BRI3BP: variants seen among roughly 807,000 people sequenced by gnomAD.
BRI3BP encodes BRI3 binding protein.
A neutral mutation model predicts 15.8 loss-of-function variants in BRI3BP; 7 were observed. The ratio of observed to expected loss-of-function variants is 0.44; its 90% CI spans 0.25 to 0.83. The LOEUF is 0.83. Ranked by LOEUF, BRI3BP falls within the 40% of genes least tolerant of loss-of-function variation. The probability of loss-of-function intolerance (pLI) is 0.20; values close to 1 mark genes in which losing one functional copy is unlikely to be tolerated. For synonymous variants in BRI3BP, 192 were observed against 163.5 expected (o/e 1.17, Z -1.33); for missense variants, 320 against 339.3 (o/e 0.94, Z 0.45).
chr12:125,005,201 A>G (rs1005279599), intron 1 of BRI3BP, among the ~76,000 whole-genome samples: 3 of 152,124 alleles, frequency 2.0e-5, no homozygotes, highest in Non-Finnish European at 4.4e-5. Context: ...TGTTTTTCTC[A>G]TAATGAGACT....
At chr12:125,036,130 T>C (rs1955438706), downstream of BRI3BP, among the ~76,000 whole-genome samples, 1 of 152,186 alleles carries the variant, frequency 6.6e-6, no homozygotes, top group Admixed American at 6.5e-5. Flanking sequence ...AATGGCGCGA[T>C]CTCTGCTCAC....
chr12:125,002,057 G>A (rs1955096317), intron 1 of BRI3BP, among the ~76,000 whole-genome samples: 1 of 152,126 alleles, frequency 6.6e-6, no homozygotes, highest in Admixed American at 6.5e-5. Context: ...CATCCATACT[G>A]CAGGATCAAT....
chr12:124,993,809 G>T lies in BRI3BP; in HGVS notation c.19G>T (p.Gly7Cys). Residue 7 changes from glycine to cysteine, a missense_variant, in exon 1 of 3, where the codon GGC (glycine) becomes TGC (cysteine). Gly to Cys is a radical substitution (Grantham distance 159). Transcript: ENST00000341446. ...GCCGAGCATGGGCGCGCGCGCCTCA[G>T]GCGGGCCCCTGGCCCGGGCCGGGCT... MGARASGGPLARAGLLL... is the reference protein window; with the variant it reads MGARASCGPLARAGLLL... 9.2e-7 allele frequency: 1 copy of T among 1,089,372 alleles called. No individual in the cohort carries two copies. The highest frequency in any genetic ancestry group is 1.1e-6 in the Non-Finnish European group (1 of 901,528). 67.5% of individuals were successfully genotyped at this position (1,089,372 alleles called of 1,614,324 possible). A position where few individuals can be genotyped will look rare whatever the true frequency, so the allele number is the denominator to read the frequency against.
At chr12:124,997,233 T>TTTTTTTTTTTTTTTTTTTTTTTA (rs1594525085) in intron 1 of BRI3BP, among the ~76,000 whole-genome samples, 1 of 137,492 alleles carries the variant, frequency 7.3e-6, no homozygotes, top group African/African-American at 2.8e-5. Flanking sequence ...TTTTTTTTTT[T>TTTTTTTTTTTTTTTTTTTTTTTA]GAGATGCAGT....
In BRI3BP at chr12:125,029,542, AAAAGTGTGTGTGTGTGTATATAT is replaced by A. The variant is rs1196095299; in HGVS notation, c.*4114_*4136del. ...GTGAGACCCAGTCTCAAAAAAAAAAAAAAGTGTGTGTGTGTGTATATATATGTATATATATATACACACACACA... is the reference window on the plus strand; with the variant it reads ...GTGAGACCCAGTCTCAAAAAAAAAAAATGTATATATATATACACACACACA... On this transcript the variant is annotated 3_prime_UTR_variant, in exon 3 of 3. Transcript: ENST00000341446. 2 of 148,074 alleles carry A rather than the reference AAAAGTGTGTGTGTGTGTATATAT, an allele frequency of 1.4e-5. No individual in the cohort carries two copies. The highest frequency in any genetic ancestry group is 5.1e-5 in the African/African-American group (2 of 38,860). 9.2% of individuals were successfully genotyped at this position (148,074 alleles called of 1,614,324 possible).
At chr12:125,036,075 T>G (rs376080685), downstream of BRI3BP, among the ~76,000 whole-genome samples, 3 of 154 alleles carry the variant, frequency 0.019, no homozygotes, top group Admixed American at 0.5. Flanking sequence ...TTGTTTTTTG[T>G]TTTTTTTTGA....
chr12:125,049,247 C>T, the BRI3BP span, among the ~76,000 whole-genome samples: 1 of 152,162 alleles, frequency 6.6e-6, no homozygotes, highest in Non-Finnish European at 1.5e-5. Context: ...CTCAGACCAT[C>T]CTATCTATCA....
At chr12:125,017,022 A>ATTT (rs1175112507) in intron 2 of BRI3BP, among the ~76,000 whole-genome samples, 2 of 146,124 alleles carry the variant, frequency 1.4e-5, no homozygotes, top group East Asian at 4.0e-4. Context: ...TATTATTATT[A>ATTT]TTTTTTTTTT....
the BRI3BP span, among the ~76,000 whole-genome samples, chr12:125,047,256 C>T: frequency 3.3e-5 from 5 of 151,694 alleles, no homozygotes; most frequent in Non-Finnish European, 7.4e-5. Flanking sequence ...TCACGCCATT[C>T]TCCTGCCTCA....
the BRI3BP span, among the ~76,000 whole-genome samples, chr12:125,037,912 T>C: frequency 2.2e-4 from 33 of 152,242 alleles, 2 homozygotes; most frequent in Admixed American, 1.6e-3. Flanking sequence ...CACGTGTGTA[T>C]GTGCATTTGG....
chr12:125,019,038 A>G (rs1294084421), intron 2 of BRI3BP, among the ~76,000 whole-genome samples: 1 of 151,996 alleles, frequency 6.6e-6, no homozygotes, highest in Non-Finnish European at 1.5e-5. Flanking sequence ...TTTATATTTC[A>G]GTAGAGACGG....
chr12:125,038,548 C>A, the BRI3BP span, among the ~76,000 whole-genome samples: 1 of 151,486 alleles, frequency 6.6e-6, no homozygotes, highest in African/African-American at 2.4e-5. Flanking sequence ...GGTGGATCAC[C>A]TGAGGTCAGG....
chr12:125,015,591 A>T (rs1387588786), intron 2 of BRI3BP, among the ~76,000 whole-genome samples: 4 of 152,088 alleles, frequency 2.6e-5, no homozygotes, highest in Admixed American at 2.6e-4. Flanking sequence ...TTACATGCGG[A>T]ATCTCTCAGC....
At chr12:125,022,798 T>A (rs1955312497) in intron 2 of BRI3BP, among the ~76,000 whole-genome samples, 1 of 152,126 alleles carries the variant, frequency 6.6e-6, no homozygotes, top group Non-Finnish European at 1.5e-5. Flanking sequence ...AATGCTGGCA[T>A]GAGCCACCGT....
the BRI3BP span, among the ~76,000 whole-genome samples, chr12:125,043,850 C>T: frequency 9.2e-5 from 14 of 151,564 alleles, no homozygotes; most frequent in African/African-American, 1.2e-4. Flanking sequence ...AGCGAGACTC[C>T]GTCTCAAAAA....
chr12:125,022,541 A>ATTTATTTTTTTTTTTTTTTT, intron 2 of BRI3BP, among the ~76,000 whole-genome samples: 38 of 139,430 alleles, frequency 2.7e-4, no homozygotes, highest in African/African-American at 8.7e-4. Flanking sequence ...TTATTTATTT[A>ATTTATTTTTTTTTTTTTTTT]TTTTTTGAGA....
the BRI3BP span, among the ~76,000 whole-genome samples, chr12:125,040,053 A>G: frequency 6.6e-6 from 1 of 152,140 alleles, no homozygotes; most frequent in East Asian, 1.9e-4. Context: ...CACAAGGTCA[A>G]GAGATTGAGA....
At chr12:125,040,467 C>T in the BRI3BP span, among the ~76,000 whole-genome samples, 1 of 151,200 alleles carries the variant, frequency 6.6e-6, no homozygotes, top group East Asian at 2.0e-4. Flanking sequence ...GCCTCAGCCT[C>T]CTGAGCAGCT....
the BRI3BP span, among the ~76,000 whole-genome samples, chr12:125,045,335 T>C: frequency 6.6e-6 from 1 of 152,114 alleles, no homozygotes; most frequent in South Asian, 2.1e-4. Context: ...AATGCTAAGA[T>C]GATGTTTTCT....
Sources: gnomAD v4.1 joint callset for allele counts (sites outside exome capture counted in the v4.1 genomes callset) on GRCh38, gnomAD v4.1.1 for gene constraint, MANE v1.5 for transcripts, NCBI Gene and HGNC (gene_info 2026-07-23, HGNC 2026-07-21) for gene names.